GYG1: variants seen among roughly 807,000 people sequenced by gnomAD.
GYG1 encodes the protein glycogenin 1, also known as glycogenin-1.
A neutral mutation model predicts 41.9 loss-of-function variants in GYG1; 44 were observed. The observed-to-expected ratio is 1.05, with a 90% CI of 0.83 to 1.35. The LOEUF (loss-of-function observed/expected upper bound fraction) is 1.35. GYG1 is among the 40% of genes most tolerant of loss of function. The pLI is 0.00. For missense variants in GYG1, 429 were observed against 418.9 expected (o/e 1.02, Z -0.21); for synonymous variants, 141 against 158.1 (o/e 0.89, Z 0.81).
At chr3:149,019,087 AG>A (rs1369037556) in intron 5 of GYG1, among the ~76,000 whole-genome samples, 1 of 150,638 alleles carries the variant, frequency 6.6e-6, no homozygotes, top group Non-Finnish European at 1.5e-5. Context: ...AAAAAAAAAA[AG>A]AGAAAGTAAT....
chr3:149,027,050 T>C lies in GYG1; in HGVS notation c.*117T>C, dbSNP rs1714696284. 3 of 1,119,388 alleles carry C rather than the reference T, an allele frequency of 2.7e-6. No homozygotes were observed. In the African/African-American group the frequency reaches 4.6e-5, roughly 17 times the overall value. The allele number at this position is 1,119,388 out of a possible 1,614,324, so 69.3% of individuals were successfully genotyped here. ...GTTGCTAGAGGTTTTCATTAAAACTTATCAGATGAGAGGCTTTTTTAGGAT... is the reference window on the plus strand; with the variant it reads ...GTTGCTAGAGGTTTTCATTAAAACTCATCAGATGAGAGGCTTTTTTAGGAT... On this transcript the variant is annotated 3_prime_UTR_variant, in exon 8 of 8. Coordinates refer to ENST00000345003, the MANE Select transcript of GYG1 (RefSeq NM_004130.4).
chr3:148,991,586 T>C lies in GYG1; in HGVS notation c.-55T>C. On this transcript the variant is annotated 5_prime_UTR_variant, in exon 1 of 8. Coordinates refer to ENST00000345003, the MANE Select transcript of GYG1 (RefSeq NM_004130.4). Reference sequence around the variant, plus strand: ...GGCCGCGCTCCCTCCCGGTGCCGGCTTCTCTGAGTCACCAACCTGAGGCTG... The same window carrying C: ...GGCCGCGCTCCCTCCCGGTGCCGGCCTCTCTGAGTCACCAACCTGAGGCTG... The C allele has an allele frequency of 1.3e-6, 2 of 1,547,600 alleles. No individual in the cohort carries two copies. The highest frequency in any genetic ancestry group is 1.2e-5 in the South Asian group (1 of 85,120).
At chr3:149,024,693 A>G (rs1487656343) in intron 6 of GYG1, among the ~76,000 whole-genome samples, 1 of 152,206 alleles carries the variant, frequency 6.6e-6, no homozygotes, top group Admixed American at 6.5e-5. Context: ...GAAAATGACA[A>G]TATGAACATA....
chr3:149,022,077 A>G (rs891185458), intron 5 of GYG1, among the ~76,000 whole-genome samples: 3 of 152,176 alleles, frequency 2.0e-5, no homozygotes, highest in East Asian at 1.9e-4. Context: ...TTGAAGTCAC[A>G]TCCCACTATC....
chr3:149,021,281 A>T (rs753472394), intron 5 of GYG1, among the ~76,000 whole-genome samples: 21 of 152,212 alleles, frequency 1.4e-4, no homozygotes, highest in Non-Finnish European at 2.5e-4. Context: ...AATAGTTGTT[A>T]TTTAATCGAT....
Position 148,996,468 on chromosome 3 carries a change from G to C in GYG1, c.310G>C (p.Asp104His). 4 of 1,613,408 alleles carry C rather than the reference G, an allele frequency of 2.5e-6. No homozygotes were observed. The highest frequency in any genetic ancestry group is 3.4e-6 in the Non-Finnish European group (4 of 1,179,540). Reference sequence around the variant, plus strand: ...TTCAAAATGTGTATTCATGGATGCAGATACTCTGGTGAGTGTGGCTTTGAG... The same window carrying C: ...TTCAAAATGTGTATTCATGGATGCACATACTCTGGTGAGTGTGGCTTTGAG... ...QYSKCVFMDADTLVLANIDDL... is the reference protein window; with the variant it reads ...QYSKCVFMDAHTLVLANIDDL... Residue 104 changes from aspartate (D) to histidine (H), a missense_variant, in exon 3 of 8, where the codon GAT becomes CAT. By Grantham distance (81) the Asp-to-His change is moderately conservative (BLOSUM62 -1). Transcript: ENST00000345003.
Position 149,013,898 on chromosome 3 carries a change from C to G in GYG1, c.608+4496C>G, listed in dbSNP as rs12488381. Among the ~76,000 whole-genome samples, 1,074 of 152,296 alleles carry G rather than the reference C, an allele frequency of 7.1e-3. 48 individuals are homozygous for G. The highest frequency in any genetic ancestry group is 0.065 in the Admixed American group (993 of 15,290). ...CATATTCACTCAACCCTGAGGCTGACTCAGAAAGAGTTTGGGTCACTCTTT... is the reference window on the plus strand; with the variant it reads ...CATATTCACTCAACCCTGAGGCTGAGTCAGAAAGAGTTTGGGTCACTCTTT... On this transcript the variant is annotated intron_variant, in intron 5 of 7. Transcript: ENST00000345003.
chr3:149,017,581 G>GTTT (rs1559842358), intron 5 of GYG1, among the ~76,000 whole-genome samples: 1 of 73,444 alleles, frequency 1.4e-5, no homozygotes, highest in South Asian at 4.7e-4. Context: ...CTTTTATTTA[G>GTTT]GTTTTTTTTT....
rs538945213 is a variant in GYG1 at position 149,002,938 on chromosome 3, T to C, written c.481+6034T>C. Among the ~76,000 whole-genome samples, 7 of 152,002 alleles carry C rather than the reference T, an allele frequency of 4.6e-5. No homozygotes were observed. The South Asian group carries it at 6.2e-4, about 14-fold the overall frequency. On this transcript the variant is annotated intron_variant, in intron 4 of 7. Coordinates refer to ENST00000345003, the MANE Select transcript of GYG1 (RefSeq NM_004130.4). ...TGGGAGGCTGAGGTGGGAGAATCAC[T>C]TGAACCCTGGAAGCAGAGGCAATGA...
chr3:149,008,312 G>A (rs1200680977), intron 4 of GYG1: 1 of 152,342 alleles, frequency 6.6e-6, no homozygotes, highest in Admixed American at 6.5e-5. Context: ...ATGTGGTCTG[G>A]TCCCTGCCGC....
intron 2 of GYG1, among the ~76,000 whole-genome samples, chr3:148,996,052 C>T (rs1466567088): frequency 1.3e-5 from 2 of 152,266 alleles, no homozygotes; most frequent in Admixed American, 6.5e-5. Context: ...TCTATAATAA[C>T]GTTTTAAGAT....
At chr3:149,009,824 T>A (rs565963544) in intron 5 of GYG1, among the ~76,000 whole-genome samples, 14 of 152,328 alleles carry the variant, frequency 9.2e-5, no homozygotes, top group Non-Finnish European at 1.6e-4. Flanking sequence ...ATAATTGTTG[T>A]GGGGATTAAG....
At chr3:149,022,936 C>T (rs1316005920) in intron 5 of GYG1, among the ~76,000 whole-genome samples, 3 of 149,478 alleles carry the variant, frequency 2.0e-5, no homozygotes, top group African/African-American at 7.5e-5. Context: ...GTATTCCATG[C>T]TGTGAATATA....
At chr3:148,995,532 C>A (rs951348582) in intron 2 of GYG1, among the ~76,000 whole-genome samples, 9 of 152,140 alleles carry the variant, frequency 5.9e-5, no homozygotes, top group African/African-American at 2.2e-4. Context: ...AATTTGTAGT[C>A]TATTAGGATA....
At chr3:149,023,901 G>C in intron 5 of GYG1, 152 bp from the exon 6 acceptor site, 1 of 702,914 alleles carries the variant, frequency 1.4e-6, no homozygotes, top group Non-Finnish European at 2.6e-6. Context: ...AGGCTGTAGT[G>C]AACTGTCATG....
chr3:148,992,385 A>T (rs1559995015), intron 1 of GYG1: 1 of 152,342 alleles, frequency 6.6e-6, no homozygotes, highest in East Asian at 1.9e-4. Context: ...CAAAGATTGC[A>T]GGTGTAACCC....
rs1712824860 is a variant in GYG1, at chr3:148,996,838, T to C, written c.415T>C (p.Tyr139His). ...PDCFNSGVFV[Y>H]QPSVETYNQL... ...CTGCTTCAATTCCGGAGTCTTCGTTTATCAGCCTTCAGTTGAAACATACAA... is the reference window on the plus strand; with the variant it reads ...CTGCTTCAATTCCGGAGTCTTCGTTCATCAGCCTTCAGTTGAAACATACAA... The change falls in exon 4 of 8, where the codon TAT becomes CAT. Residue 139 changes from tyrosine (Y) to histidine (H), a missense_variant. Coordinates refer to ENST00000345003, the MANE Select transcript of GYG1 (RefSeq NM_004130.4). 1 of 1,613,730 alleles carries C rather than the reference T, an allele frequency of 6.2e-7. No individual in the cohort carries two copies.
Position 149,029,268 on chromosome 3 carries a change from A to C in GYG1, c.*2335A>C. 6.6e-6 allele frequency among the ~76,000 whole-genome samples: 1 copy of C among 152,218 alleles called. No homozygotes were observed. The highest frequency in any genetic ancestry group is 1.5e-5 in the Non-Finnish European group (1 of 68,034). On this transcript the variant is annotated 3_prime_UTR_variant, in exon 8 of 8. Transcript: ENST00000345003. ...CCAGAATACTAAGGGTTACTTAGTA[A>C]AATGTATAAAAAGGCAACAGTAATT...
intron 5 of GYG1, among the ~76,000 whole-genome samples, chr3:149,023,574 T>G (rs1714483439): frequency 6.6e-6 from 1 of 152,210 alleles, no homozygotes; most frequent in Non-Finnish European, 1.5e-5. Flanking sequence ...GGATTGGTGC[T>G]TCAGTGTTGC....
Sources: allele counts gnomAD v4.1 joint callset (sites outside exome capture counted in the v4.1 genomes callset), GRCh38; gene constraint gnomAD v4.1.1; transcripts MANE v1.5; gene names NCBI Gene and HGNC (gene_info 2026-07-23, HGNC 2026-07-21).